Variants in FBXO34 observed in about 807,000 individuals in gnomAD.
FBXO34 encodes the protein F-box only protein 34.
A neutral mutation model predicts 24.5 loss-of-function variants in FBXO34; 12 were observed. The observed-to-expected ratio is 0.49, with a 90% CI of 0.31 to 0.79. The LOEUF (loss-of-function observed/expected upper bound fraction) is 0.79. FBXO34 is among the 30% of genes least tolerant of loss of function. The pLI, the probability that FBXO34 is intolerant of heterozygous loss-of-function variation, is 0.04. For synonymous variants in FBXO34, 320 were observed against 311.9 expected, an observed-to-expected ratio of 1.03 and a Z score of -0.27; for missense variants, 823 against 857.7, an observed-to-expected ratio of 0.96 and a Z score of 0.51.
chr14:55,439,184 G>A, the FBXO34 span, among the ~76,000 whole-genome samples: 6 of 151,166 alleles, frequency 4.0e-5, no homozygotes, highest in African/African-American at 9.7e-5. Flanking sequence ...AATGAGCCAC[G>A]TGCCTCGGCC....
At chr14:55,380,998 G>A in the FBXO34 span, among the ~76,000 whole-genome samples, 2 of 150,590 alleles carry the variant, frequency 1.3e-5, no homozygotes, top group Non-Finnish European at 2.9e-5. Flanking sequence ...AACAATAAAT[G>A]CCCAACTTGA....
the FBXO34 span, among the ~76,000 whole-genome samples, chr14:55,406,227 C>G: frequency 6.6e-6 from 1 of 151,860 alleles, no homozygotes; most frequent in African/African-American, 2.4e-5. Context: ...TTAATGAAAC[C>G]TGAAAAAAAT....
At chr14:55,395,167 G>A in the FBXO34 span, 6 of 458,096 alleles carry the variant, frequency 1.3e-5, no homozygotes, top group Admixed American at 7.2e-5. Context: ...GCTGATAAGC[G>A]TGCCGATCTC....
chr14:55,342,807 T>A (rs1274315578), intron 1 of FBXO34, among the ~76,000 whole-genome samples: 2 of 152,224 alleles, frequency 1.3e-5, no homozygotes, highest in Non-Finnish European at 2.9e-5. Flanking sequence ...ACTGACCTAG[T>A]TTGAAAGATA....
At chr14:55,402,945 ATATATATATATATATATATAT>A in the FBXO34 span, among the ~76,000 whole-genome samples, 1 of 68,972 alleles carries the variant, frequency 1.4e-5, no homozygotes, top group Admixed American at 1.5e-4. Context: ...ATATATATAT[ATATATATATATATATATATAT>A]ATAAATAGCT....
intron 1 of FBXO34, among the ~76,000 whole-genome samples, chr14:55,338,239 CG>C (rs1414538592): frequency 3.3e-5 from 5 of 151,256 alleles, no homozygotes; most frequent in African/African-American, 9.7e-5. Context: ...TTAGTAGAGA[CG>C]GGGTTTCACT....
At chr14:55,290,780 C>G (rs1881920775) in intron 1 of FBXO34, among the ~76,000 whole-genome samples, 1 of 152,104 alleles carries the variant, frequency 6.6e-6, no homozygotes, top group African/African-American at 2.4e-5. Flanking sequence ...ATCTTTTTTT[C>G]CCATTATAAA....
At chr14:55,440,706 G>C in the FBXO34 span, 15 of 787,926 alleles carry the variant, frequency 1.9e-5, no homozygotes, top group Non-Finnish European at 2.9e-5. Context: ...GGCCGGAGAG[G>C]GGCGTCTCGC....
chr14:55,363,331 G>A (rs544783417), downstream of FBXO34, among the ~76,000 whole-genome samples: 5 of 144,986 alleles, frequency 3.4e-5, no homozygotes, highest in African/African-American at 1.3e-4. Flanking sequence ...CACCGAACTT[G>A]GCCTTTTCTT....
the FBXO34 span, among the ~76,000 whole-genome samples, chr14:55,406,384 G>C: frequency 6.6e-6 from 1 of 152,202 alleles, no homozygotes; most frequent in Non-Finnish European, 1.5e-5. Context: ...TTAACAAGTG[G>C]TTTTCTACAG....
At chr14:55,422,439 C>T in the FBXO34 span, among the ~76,000 whole-genome samples, 218 of 152,150 alleles carry the variant, frequency 1.4e-3, 9 homozygotes, top group East Asian at 0.041. Context: ...TTAGTAGAGA[C>T]AGGGTTTCAC....
chr14:55,319,659 T>G (rs1208177529), intron 1 of FBXO34, among the ~76,000 whole-genome samples: 1 of 152,162 alleles, frequency 6.6e-6, no homozygotes, highest in Non-Finnish European at 1.5e-5. Flanking sequence ...CTATATAGTG[T>G]GTGAAAGGAT....
At chr14:55,304,151 G>A (rs565687365) in intron 1 of FBXO34, among the ~76,000 whole-genome samples, 1 of 152,214 alleles carries the variant, frequency 6.6e-6, no homozygotes, top group East Asian at 1.9e-4. Flanking sequence ...CTAAGTCTAT[G>A]TTTATGCTTG....
the FBXO34 span, chr14:55,436,583 A>G: frequency 6.2e-7 from 1 of 1,614,192 alleles, no homozygotes; most frequent in East Asian, 2.2e-5. Context: ...ACAATTCCAC[A>G]ACATTCTGAA....
intron 1 of FBXO34, among the ~76,000 whole-genome samples, chr14:55,314,018 C>T (rs930947638): frequency 6.6e-6 from 1 of 152,160 alleles, no homozygotes; most frequent in Admixed American, 6.5e-5. Flanking sequence ...ATCCTCCTAA[C>T]TCAGCCTCAC....
intron 1 of FBXO34, among the ~76,000 whole-genome samples, chr14:55,287,244 A>G (rs1267269175): frequency 1.3e-5 from 2 of 152,122 alleles, no homozygotes; most frequent in African/African-American, 2.4e-5. Context: ...AGGTAGTTTT[A>G]TACAATATTT....
At chr14:55,347,738 C>T (rs1884205285) in intron 1 of FBXO34, among the ~76,000 whole-genome samples, 2 of 152,206 alleles carry the variant, frequency 1.3e-5, no homozygotes, top group South Asian at 2.1e-4. Flanking sequence ...TCTGTAATTA[C>T]ATTAGTTTCT....
At chr14:55,364,334 A>C (rs1290797171), downstream of FBXO34, among the ~76,000 whole-genome samples, 1 of 152,192 alleles carries the variant, frequency 6.6e-6, no homozygotes, top group Non-Finnish European at 1.5e-5. Context: ...TCCTCCCTAC[A>C]AAAGGCACAA....
chr14:55,319,221 A>C (rs1165757687), intron 1 of FBXO34, among the ~76,000 whole-genome samples: 1 of 152,190 alleles, frequency 6.6e-6, no homozygotes, highest in Non-Finnish European at 1.5e-5. Context: ...GTTCAAGACA[A>C]TGACAGCTGT....
Sources: allele counts gnomAD v4.1 joint callset (sites outside exome capture counted in the v4.1 genomes callset), GRCh38; gene constraint gnomAD v4.1.1; transcripts MANE v1.5; gene names NCBI Gene and HGNC (gene_info 2026-07-23, HGNC 2026-07-21).